PHRF1: variants seen among roughly 807,000 people sequenced by gnomAD.
The protein encoded by PHRF1 is PHD and ring finger domains 1.
A neutral mutation model predicts 128.9 loss-of-function variants in PHRF1; 53 were observed. The observed-to-expected ratio is 0.41, with a 90% confidence interval of 0.33 to 0.52. The LOEUF (loss-of-function observed/expected upper bound fraction) is 0.52, where lower values mean the gene tolerates loss of function less well. Among genes scored for constraint, PHRF1 ranks in the 20% least tolerant of loss-of-function variants. The pLI, the probability that PHRF1 is intolerant of heterozygous loss-of-function variation, is 0.21. For missense variants in PHRF1, 2,503 were observed against 2,284.5 expected, an observed-to-expected ratio of 1.10 and a Z score of -1.95; for synonymous variants, 1,178 against 980.6, an observed-to-expected ratio of 1.20 and a Z score of -3.76.
Position 583,324 on chromosome 11 carries a change from G to A in PHRF1, c.214+1243G>A, listed in dbSNP as rs144955824. Among the ~76,000 whole-genome samples the A allele has an allele frequency of 5.4e-3, 824 of 152,002 alleles. 7 individuals carry two copies. The highest frequency in any genetic ancestry group is 0.018 in the African/African-American group (752 of 41,496). ...TGCACTCCAGCCTGGGCAACAGAGC[G>A]AGACTCTGTCTCAAAAAAAACAAAC... On this transcript the variant is annotated intron_variant, in intron 3 of 17. Transcript: ENST00000264555.
chr11:609,969 A>G (rs1856262888), intron 14 of PHRF1, among the ~76,000 whole-genome samples: 1 of 152,136 alleles, frequency 6.6e-6, no homozygotes. Flanking sequence ...GAACACTGGG[A>G]TAGTGGGTGT....
At chr11:610,868 T>C in intron 16 of PHRF1, 86 bp from the exon 17 acceptor site, 1 of 1,586,788 alleles carries the variant, frequency 6.3e-7, no homozygotes, top group Non-Finnish European at 8.6e-7. Flanking sequence ...CCTCTGGAAC[T>C]GCAAGGGTGT....
chr11:581,404 G>C (rs1446468801), intron 1 of PHRF1, 88 bp from the exon 2 acceptor site: 1 of 1,072,008 alleles, frequency 9.3e-7, no homozygotes, highest in African/African-American at 1.6e-5. Context: ...ACACGGGGAT[G>C]TGGCCTGTGG....
Position 591,449 on chromosome 11 carries a change from T to G in PHRF1, c.486T>G (p.Gly162=), listed in dbSNP as rs1314182359. ...GCATTTGTATTCGAGCTCAATTTGGTGGTAAAATCTTAAGAAAGGTGAGTG... is the reference window on the plus strand; with the variant it reads ...GCATTTGTATTCGAGCTCAATTTGGGGGTAAAATCTTAAGAAAGGTGAGTG... The part of the protein sequence containing the change: ...FKCICIRAQF[G]GKILRKIPVE... Residue 162 remains glycine, a synonymous_variant, in exon 5 of 18, where the codon GGT becomes GGG. Transcript: ENST00000264555. The G allele has an allele frequency of 6.2e-7, 1 of 1,608,926 alleles. No individual in the cohort carries two copies. The highest frequency in any genetic ancestry group is 8.5e-7 in the Non-Finnish European group (1 of 1,177,948).
chr11:592,546 G>T lies in PHRF1; in HGVS notation c.505-13G>T. On this transcript the variant is annotated splice_polypyrimidine_tract_variant and intron_variant, in intron 5 of 17. Transcript: ENST00000264555. The stretch of plus-strand genomic sequence containing the variant: ...TGGGTCCTGTGTGGTGGTGACCGAC[G>T]ATTCTGTCCTAGATCCCAGTGGAGA... 6.2e-7 allele frequency: 1 copy of T among 1,613,216 alleles called. No individual in the cohort carries two copies. The highest frequency in any genetic ancestry group is 8.5e-7 in the Non-Finnish European group (1 of 1,179,130).
At chr11:579,257 C>T (rs929774382) in intron 1 of PHRF1, among the ~76,000 whole-genome samples, 8 of 151,868 alleles carry the variant, frequency 5.3e-5, no homozygotes, top group Non-Finnish European at 1.0e-4. Context: ...CCTGCTCCTC[C>T]CCCCAGCCCT....
In PHRF1 at chr11:608,246, C is replaced by G; in HGVS notation, c.2790C>G (p.Ala930=). Residue 930 remains alanine (A), a synonymous_variant, in exon 14 of 18, where the codon GCC becomes GCG. Coordinates refer to ENST00000264555, the MANE Select transcript of PHRF1 (RefSeq NM_001286581.2). The part of the protein sequence containing the change: ...EEPTESQGLA[A]RLRRPSPPEP... ...CCACAGAGAGCCAGGGCCTGGCTGC[C>G]CGGCTGCGGAGGCCATCCCCCCCAG... The G allele has an allele frequency of 6.2e-7, 1 of 1,609,846 alleles. No homozygotes were observed. Among genetic ancestry groups the G allele is most frequent in the Non-Finnish European group, 8.5e-7 (1 of 1,179,686 alleles).
Position 597,610 on chromosome 11 carries a change from C to T in PHRF1, c.894+40C>T, listed in dbSNP as rs1285659426. On this transcript the variant is annotated intron_variant, in intron 8 of 17. Transcript: ENST00000264555. The surrounding 1 kb of genome is among the most constrained non-coding windows in gnomAD (Gnocchi z 6.5). ...CCTGACGCCAGTCGTAGAACCCCAGCTGCCCAGAGTGATCTCGGCAGTCTG... is the reference window on the plus strand; with the variant it reads ...CCTGACGCCAGTCGTAGAACCCCAGTTGCCCAGAGTGATCTCGGCAGTCTG... 1.9e-6 allele frequency: 3 copies of T among 1,575,332 alleles called. No individual in the cohort carries two copies. The highest frequency in any genetic ancestry group is 1.7e-6 in the Non-Finnish European group (2 of 1,161,644).
chr11:583,449 C>T lies in PHRF1; in HGVS notation c.214+1368C>T, dbSNP rs530290019. 2.7e-5 allele frequency among the ~76,000 whole-genome samples: 4 copies of T among 150,884 alleles called. No homozygotes were observed. The East Asian group carries it at 5.9e-4, about 22-fold the overall frequency. The stretch of plus-strand genomic sequence containing the variant: ...GGAGGATCGCTTGAGCCCAAGAGGT[C>T]GAGGCTACAGCGAGCTGAGATCACG... On this transcript the variant is annotated intron_variant, in intron 3 of 17. Transcript: ENST00000264555.
rs1265015754 is a variant in PHRF1 at position 608,495 on chromosome 11, G to C, written c.3039G>C (p.Glu1013Asp). ...CCAAGAGGAAGAGGGTGTCCAGGGA[G>C]CACGGACGGACGCGCTCTGGGACGC... ...KKAKRKRVSR[E>D]HGRTRSGTRS... The change falls in exon 14 of 18, where the codon GAG becomes GAC. Residue 1013 changes from glutamate (E) to aspartate (D), a missense_variant. By Grantham distance (45) the Glu-to-Asp change is conservative. Coordinates refer to ENST00000264555, the MANE Select transcript of PHRF1 (RefSeq NM_001286581.2). 2 of 1,612,204 alleles carry C rather than the reference G, an allele frequency of 1.2e-6. No individual in the cohort carries two copies. Among genetic ancestry groups the C allele is most frequent in the Non-Finnish European group, 1.7e-6 (2 of 1,179,852 alleles).
intron 12 of PHRF1, 118 bp from the exon 13 acceptor site, chr11:606,324 C>G (rs545445755): frequency 2.3e-6 from 3 of 1,312,990 alleles, no homozygotes; most frequent in Admixed American, 5.9e-5. Flanking sequence ...GTGGGGGAGG[C>G]GCAGGCCCGG....
rs1854389560 is a variant in PHRF1 at position 584,241 on chromosome 11, T to G, written c.214+2160T>G. ...GGCTCTGGTTCATCTGTAGTAGGTC[T>G]CCGCACCAGTTCTGGCGTTGCCAGG... On this transcript the variant is annotated intron_variant, in intron 3 of 17. Coordinates refer to ENST00000264555, the MANE Select transcript of PHRF1 (RefSeq NM_001286581.2). 2.6e-5 allele frequency among the ~76,000 whole-genome samples: 4 copies of G among 152,200 alleles called. 1 individual carries two copies. The highest frequency in any genetic ancestry group is 2.6e-4 in the Admixed American group (4 of 15,276).
rs1854237428 is a variant in PHRF1 at position 582,046 on chromosome 11, G to C, written c.179G>C (p.Gly60Ala). 1 of 1,604,046 alleles carries C rather than the reference G, an allele frequency of 6.2e-7. No individual in the cohort carries two copies. The highest frequency in any genetic ancestry group is 8.5e-7 in the Non-Finnish European group (1 of 1,175,568). Residue 60 changes from glycine (G) to alanine (A), a missense_variant, in exon 3 of 18, where the codon GGG becomes GCG. Transcript: ENST00000264555. Reference protein sequence around the residue: ...HGDGTDGEDEGASEEEDLEDR... With the variant: ...HGDGTDGEDEAASEEEDLEDR... ...GATGGCACAGACGGAGAAGACGAGG[G>C]GGCGTCTGAGGAGGAAGACCTGGAA...
At chr11:610,880 C>G (rs1028324441) in intron 16 of PHRF1, 74 bp from the exon 17 acceptor site, 2 of 1,590,898 alleles carry the variant, frequency 1.3e-6, no homozygotes, top group African/African-American at 2.7e-5. Flanking sequence ...CAAGGGTGTC[C>G]AGAACCACAG....
intron 1 of PHRF1, among the ~76,000 whole-genome samples, chr11:579,994 CAGT>C (rs1196130439): frequency 6.6e-6 from 1 of 152,182 alleles, no homozygotes; most frequent in East Asian, 1.9e-4. Context: ...GTGCAGCCCA[CAGT>C]GGTGGTGGGA....
intron 3 of PHRF1, among the ~76,000 whole-genome samples, chr11:586,440 C>T (rs1215482407): frequency 6.6e-6 from 1 of 152,220 alleles, no homozygotes; most frequent in Admixed American, 6.5e-5. Flanking sequence ...ACAGAGGGTC[C>T]TGGCAGTGAT....
At position 592,529 on chromosome 11, in the gene PHRF1, G is replaced by T. The variant is rs201999507; in HGVS notation, c.505-30G>T. The T allele has an allele frequency of 1.9e-6, 3 of 1,603,556 alleles. No homozygotes were observed. The Admixed American group carries it at 5.0e-5, about 27-fold the overall frequency. ...AGTGACTGCGGGGAGTTTGGGTCCT[G>T]TGTGGTGGTGACCGACGATTCTGTC... On this transcript the variant is annotated intron_variant, in intron 5 of 17. Transcript: ENST00000264555.
Position 591,474 on chromosome 11 carries a change from G to A in PHRF1, c.504+7G>A. 1 of 1,602,984 alleles carries A rather than the reference G, an allele frequency of 6.2e-7. No individual in the cohort carries two copies. The highest frequency in any genetic ancestry group is 8.5e-7 in the Non-Finnish European group (1 of 1,174,422). The stretch of plus-strand genomic sequence containing the variant: ...TGGTAAAATCTTAAGAAAGGTGAGT[G>A]TGGACGCTGCCGTGGAGGCCCCAGC... On this transcript the variant is annotated splice_region_variant and intron_variant, in intron 5 of 17. Transcript: ENST00000264555.
At position 598,376 on chromosome 11, in the gene PHRF1, A is replaced by T. The variant is rs749748654; in HGVS notation, c.898A>T (p.Thr300Ser). Residue 300 changes from threonine (T) to serine (S), a missense_variant, in exon 9 of 18, where the codon ACA (threonine) becomes TCA (serine). Thr to Ser is a moderately conservative substitution (Grantham distance 58). Transcript: ENST00000264555. ...GGCACCACCCCTTTGCCTGTAGCAC[A>T]CACCAGGGCGCCTCGGGTCTTCCCT... ...RISTARRVQH[T>S]PGRLGSSLLD... 1.2e-6 allele frequency: 2 copies of T among 1,608,584 alleles called. No individual in the cohort carries two copies. Among genetic ancestry groups the T allele is most frequent in the Admixed American group, 3.3e-5 (2 of 59,960 alleles).
Sources: gnomAD v4.1 joint callset for allele counts (sites outside exome capture counted in the v4.1 genomes callset) on GRCh38, gnomAD v4.1.1 for gene constraint, Gnocchi (gnomAD v3.1) non-coding constraint, MANE v1.5 for transcripts, NCBI Gene and HGNC (gene_info 2026-07-23, HGNC 2026-07-21) for gene names.